The following AGBL4 variants were observed in gnomAD, a reference collection of about 807,000 sequenced individuals.
AGBL4 encodes the protein AGBL carboxypeptidase 4, also known as cytosolic carboxypeptidase 6.
A neutral mutation model predicts 66.4 loss-of-function variants in AGBL4; 58 were observed. The observed-to-expected ratio is 0.87, with a 90% CI of 0.71 to 1.09. The LOEUF is 1.09. Among genes scored for constraint, AGBL4 ranks in the 50% least tolerant of loss-of-function variants. The pLI, the probability that AGBL4 is intolerant of heterozygous loss-of-function variation, is 0.00. For missense variants in AGBL4, 579 were observed against 631.0 expected, an observed-to-expected ratio of 0.92 and a Z score of 0.88; for synonymous variants, 234 against 222.9, an observed-to-expected ratio of 1.05 and a Z score of -0.44.
rs917618975 is a variant in AGBL4, at chr1:49,121,871, C to T, written c.378-76071G>A. ...GAGCTGCAGTGGGCTCCGCCCATTT[C>T]GAGCTTCCCAGCTGCTTTGTTTACC... On this transcript the variant is annotated intron_variant, in intron 4 of 13. Transcript: ENST00000371839. Among the ~76,000 whole-genome samples the T allele has an allele frequency of 1.6e-4, 24 of 152,362 alleles. No homozygotes were observed. In the South Asian group the frequency reaches 2.1e-3, roughly 13 times the overall value.
At chr1:49,477,119 G>A (rs1200383002) in intron 3 of AGBL4, among the ~76,000 whole-genome samples, 2 of 152,068 alleles carry the variant, frequency 1.3e-5, no homozygotes, top group East Asian at 3.9e-4. Flanking sequence ...AGCACCTCTG[G>A]ACCCATGCAG....
At chr1:49,168,553 G>A (rs1046360518) in intron 4 of AGBL4, among the ~76,000 whole-genome samples, 4 of 152,150 alleles carry the variant, frequency 2.6e-5, no homozygotes, top group Admixed American at 6.5e-5. Flanking sequence ...TATGGTGGGG[G>A]TCATGTTGCC....
chr1:49,948,227 T>C lies in AGBL4; in HGVS notation c.34+75536A>G, dbSNP rs1206964345. Among the ~76,000 whole-genome samples, 7 of 103,844 alleles carry C rather than the reference T, an allele frequency of 6.7e-5. No individual in the cohort carries two copies. The East Asian group carries it at 1.8e-3, about 27-fold the overall frequency. 68.1% of individuals were successfully genotyped at this position (103,844 alleles called of 152,430 possible). A position where few individuals can be genotyped will look rare whatever the true frequency, so the allele number is the denominator to read the frequency against. ...ATAAATATATAAATATATATAAATA[T>C]ATATAAATATATAAATAAATACATA... is the stretch of plus-strand genomic sequence containing the variant. On this transcript the variant is annotated intron_variant, in intron 1 of 13. Transcript: ENST00000371839.
At chr1:49,772,340 A>C (rs1293674963) in intron 2 of AGBL4, among the ~76,000 whole-genome samples, 3 of 152,106 alleles carry the variant, frequency 2.0e-5, no homozygotes, top group African/African-American at 7.2e-5. Context: ...AACTGTAGCT[A>C]TTGATGTATT....
At chr1:48,591,069 A>AC in intron 9 of AGBL4, 84 bp from the exon 10 acceptor site, 2 of 1,018,756 alleles carry the variant, frequency 2.0e-6, no homozygotes, top group Non-Finnish European at 1.3e-6. Context: ...ACACACACAC[A>AC]CCCCCCACAC....
chr1:48,619,122 T>C (rs76448740), intron 9 of AGBL4, among the ~76,000 whole-genome samples: 15,278 of 152,246 alleles, frequency 0.1, 890 homozygotes, highest in African/African-American at 0.15. Flanking sequence ...CAGGCAGATC[T>C]GGCTTCCACT....
chr1:49,845,302 A>G (rs578149799), intron 2 of AGBL4: 75 of 1,555,692 alleles, frequency 4.8e-5, no homozygotes, highest in Non-Finnish European at 6.5e-5. Flanking sequence ...CCAGCACCAG[A>G]GAACTCACAC....
intron 5 of AGBL4, among the ~76,000 whole-genome samples, chr1:48,918,485 A>C (rs1176943326): frequency 4.6e-5 from 7 of 152,118 alleles, no homozygotes; most frequent in Non-Finnish European, 1.0e-4. Flanking sequence ...TTATGTTGAA[A>C]TCCTAACCTC....
At chr1:48,770,109 C>A (rs906988963) in intron 6 of AGBL4, among the ~76,000 whole-genome samples, 1 of 152,166 alleles carries the variant, frequency 6.6e-6, no homozygotes. Flanking sequence ...TTATATTGCT[C>A]CCACCAATGC....
intron 2 of AGBL4, among the ~76,000 whole-genome samples, chr1:49,718,752 T>G (rs1389364209): frequency 5.9e-5 from 9 of 152,096 alleles, no homozygotes; most frequent in Non-Finnish European, 1.2e-4. Context: ...CTTCTTTATT[T>G]TGTCTGTATT....
chr1:48,918,009 G>A (rs900350726), intron 5 of AGBL4, among the ~76,000 whole-genome samples: 1 of 152,182 alleles, frequency 6.6e-6, no homozygotes, highest in African/African-American at 2.4e-5. Flanking sequence ...CTGATGCTCC[G>A]TGATGAGTCA....
chr1:49,796,751 T>C (rs1274865879), intron 2 of AGBL4, among the ~76,000 whole-genome samples: 3 of 151,882 alleles, frequency 2.0e-5, no homozygotes, highest in Non-Finnish European at 4.4e-5. Context: ...TTACAGATTA[T>C]TTTAATTTGC....
intron 1 of AGBL4, among the ~76,000 whole-genome samples, chr1:49,878,551 A>G (rs1485725022): frequency 6.6e-6 from 1 of 151,966 alleles, no homozygotes; most frequent in African/African-American, 2.4e-5. Flanking sequence ...CTGTTCTTTT[A>G]CATTTGCTGA....
At chr1:49,885,154 C>T (rs1013586972) in intron 1 of AGBL4, among the ~76,000 whole-genome samples, 1 of 151,782 alleles carries the variant, frequency 6.6e-6, no homozygotes, top group Non-Finnish European at 1.5e-5. Context: ...AGCTAAAACA[C>T]CTTCGAAGAG....
chr1:49,406,944 A>G (rs937407201), intron 3 of AGBL4, among the ~76,000 whole-genome samples: 5 of 151,676 alleles, frequency 3.3e-5, no homozygotes, highest in Admixed American at 2.6e-4. Flanking sequence ...GGGCGCCTGT[A>G]GTCCCAGCTA....
intron 3 of AGBL4, among the ~76,000 whole-genome samples, chr1:49,341,244 CAT>C (rs1341454726): frequency 2.6e-5 from 4 of 152,150 alleles, no homozygotes; most frequent in Admixed American, 2.6e-4. Flanking sequence ...TTTCCAGTAA[CAT>C]ATTCCATGAC....
chr1:49,092,471 C>T (rs957311427), intron 4 of AGBL4, among the ~76,000 whole-genome samples: 1 of 152,112 alleles, frequency 6.6e-6, no homozygotes, highest in Non-Finnish European at 1.5e-5. Flanking sequence ...CCTCAACAAA[C>T]TTGCTTCTAC....
chr1:48,958,099 C>T (rs893432623), intron 5 of AGBL4, among the ~76,000 whole-genome samples: 12 of 152,080 alleles, frequency 7.9e-5, no homozygotes, highest in Non-Finnish European at 1.5e-5. Context: ...ACCTCGTGAT[C>T]CGCCTGCCTC....
chr1:49,594,610 T>C (rs1644816449), intron 3 of AGBL4, among the ~76,000 whole-genome samples: 1 of 152,162 alleles, frequency 6.6e-6, no homozygotes, highest in African/African-American at 2.4e-5. Flanking sequence ...AGTGAGAACA[T>C]GTGGTGTTTG....
Sources: gnomAD v4.1 joint callset for allele counts (sites outside exome capture counted in the v4.1 genomes callset) on GRCh38, gnomAD v4.1.1 for gene constraint, MANE v1.5 for transcripts, NCBI Gene and HGNC (gene_info 2026-07-23, HGNC 2026-07-21) for gene names.